CNDP1: variants seen among roughly 807,000 people sequenced by gnomAD.
The protein encoded by CNDP1 is beta-Ala-His dipeptidase.
Under a neutral mutation model 58.1 loss-of-function variants are expected in CNDP1, and 44 were observed. The ratio of observed to expected loss-of-function variants is 0.76; its 90% CI spans 0.60 to 0.97. The LOEUF is 0.97. Ranked by LOEUF, CNDP1 falls within the 50% of genes least tolerant of loss-of-function variation. The probability of loss-of-function intolerance (pLI) is 0.00; values close to 1 mark genes in which losing one functional copy is unlikely to be tolerated. For synonymous variants in CNDP1, 254 were observed against 252.6 expected, an observed-to-expected ratio of 1.01 and a Z score of -0.05; for missense variants, 616 against 655.1, an observed-to-expected ratio of 0.94 and a Z score of 0.65.
intron 6 of CNDP1, among the ~76,000 whole-genome samples, chr18:74,570,234 T>TAAAAAA (rs1226449914): frequency 4.8e-5 from 4 of 83,816 alleles, no homozygotes; most frequent in South Asian, 3.8e-4. Context: ...ATAATAATAA[T>TAAAAAA]AAATAATTAA....
Position 74,586,151 on chromosome 18 carries a change from C to T in CNDP1, c.*1589C>T, listed in dbSNP as rs1472207410. 2.0e-5 allele frequency: 3 copies of T among 151,974 alleles called. No individual in the cohort carries two copies. The highest frequency in any genetic ancestry group is 4.4e-5 in the Non-Finnish European group (3 of 68,050). The allele number at this position is 151,974 out of a possible 1,614,324, so 9.4% of individuals were successfully genotyped here. On this transcript the variant is annotated 3_prime_UTR_variant, in exon 12 of 12. Transcript: ENST00000358821. ...CAGGCAGTGATTCAGTTCACCTTGA[C>T]TCTAGTCATAGAAGTGGACCCAACT...
chr18:74,543,428 G>A (rs555183608), intron 1 of CNDP1, among the ~76,000 whole-genome samples: 2 of 152,222 alleles, frequency 1.3e-5, no homozygotes, highest in Admixed American at 6.5e-5. Flanking sequence ...AGGAGGTTGA[G>A]GCAGCAGTGA....
At chr18:74,575,518 G>T (rs1449234325) in intron 7 of CNDP1, among the ~76,000 whole-genome samples, 1 of 152,184 alleles carries the variant, frequency 6.6e-6, no homozygotes, top group Admixed American at 6.5e-5. Flanking sequence ...TTTCTACAGA[G>T]AGTGGGCGGT....
intron 7 of CNDP1, 139 bp from the exon 8 acceptor site, chr18:74,576,730 C>A: frequency 1.6e-6 from 1 of 626,796 alleles, no homozygotes; most frequent in Non-Finnish European, 2.6e-6. Flanking sequence ...GAGTTGCTGC[C>A]AATGGCTTTG....
At chr18:74,584,278 T>G in intron 11 of CNDP1, 1 of 528,326 alleles carries the variant, frequency 1.9e-6, no homozygotes, top group Non-Finnish European at 3.4e-6. Flanking sequence ...CACTTTTGGA[T>G]TTGAGTCTAG....
chr18:74,571,482 C>T (rs931019905), intron 7 of CNDP1, among the ~76,000 whole-genome samples: 1 of 152,140 alleles, frequency 6.6e-6, no homozygotes, highest in Non-Finnish European at 1.5e-5. Context: ...TTCAGTTCAT[C>T]CATTTTGTTT....
intron 7 of CNDP1, among the ~76,000 whole-genome samples, chr18:74,573,101 C>T (rs898457447): frequency 6.6e-6 from 1 of 152,058 alleles, no homozygotes; most frequent in Non-Finnish European, 1.5e-5. Flanking sequence ...ATTATCTATC[C>T]ATCTATCTTT....
At chr18:74,570,688 G>C (rs1457479322) in intron 6 of CNDP1, among the ~76,000 whole-genome samples, 2 of 152,210 alleles carry the variant, frequency 1.3e-5, no homozygotes, top group Non-Finnish European at 2.9e-5. Flanking sequence ...TGAAGCTCAG[G>C]TAGAGGAAGG....
intron 5 of CNDP1, among the ~76,000 whole-genome samples, chr18:74,562,593 G>A (rs1479115070): frequency 1.3e-5 from 2 of 152,190 alleles, no homozygotes; most frequent in East Asian, 3.8e-4. Context: ...CTTTGCAAAT[G>A]ATCAAGATAG....
chr18:74,554,516 T>A (rs946315505), intron 1 of CNDP1, among the ~76,000 whole-genome samples: 3 of 152,218 alleles, frequency 2.0e-5, no homozygotes, highest in African/African-American at 7.2e-5. Context: ...AGATGCACTG[T>A]GCAATGTGTT....
intron 1 of CNDP1, among the ~76,000 whole-genome samples, chr18:74,554,933 T>C (rs371934268): frequency 6.6e-6 from 1 of 152,062 alleles, no homozygotes. Context: ...AGATGCTCCA[T>C]TGTAAAATAA....
chr18:74,558,365 A>C (rs112935010), intron 2 of CNDP1, among the ~76,000 whole-genome samples: 2 of 142,810 alleles, frequency 1.4e-5, no homozygotes. Context: ...CCATCACCCT[A>C]TAGTTAGGGA....
At chr18:74,560,158 G>A (rs984055668) in intron 3 of CNDP1, among the ~76,000 whole-genome samples, 1 of 151,996 alleles carries the variant, frequency 6.6e-6, no homozygotes, top group Admixed American at 6.6e-5. Flanking sequence ...TGGGATTTCA[G>A]GCGTGCACCA....
At chr18:74,538,486 C>T (rs1242977761) in intron 1 of CNDP1, among the ~76,000 whole-genome samples, 1 of 152,158 alleles carries the variant, frequency 6.6e-6, no homozygotes, top group Non-Finnish European at 1.5e-5. Context: ...ATGAATAATG[C>T]TGCTATAAAC....
intron 7 of CNDP1, among the ~76,000 whole-genome samples, chr18:74,575,645 T>C (rs1319277698): frequency 6.6e-6 from 1 of 152,218 alleles, no homozygotes; most frequent in Non-Finnish European, 1.5e-5. Flanking sequence ...GGGGATTTTG[T>C]GGTCATGATG....
chr18:74,544,416 T>C (rs1980704412), intron 1 of CNDP1, among the ~76,000 whole-genome samples: 1 of 151,936 alleles, frequency 6.6e-6, no homozygotes, highest in Non-Finnish European at 1.5e-5. Flanking sequence ...AATAATAGAA[T>C]GTTATATAGT....
At chr18:74,557,721 C>T (rs557616732) in intron 2 of CNDP1, among the ~76,000 whole-genome samples, 89 of 152,346 alleles carry the variant, frequency 5.8e-4, no homozygotes, top group African/African-American at 1.9e-3. Context: ...AAGCCCCCCA[C>T]ATCATGTCTG....
rs1241746980 is a variant in CNDP1, at chr18:74,567,008, C to A, written c.556-225C>A. On this transcript the variant is annotated intron_variant, in intron 5 of 11. Transcript: ENST00000358821. ...TAGGTGGTGGCAGCAAGAGAAAATG[C>A]GGAAGAAGCAAACCCCTGATAAACC... 3.9e-5 allele frequency: 21 copies of A among 535,476 alleles called. No individual in the cohort carries two copies. In the East Asian group the frequency reaches 6.2e-4, roughly 16 times the overall value. The allele number at this position is 535,476 out of a possible 1,614,324, so 33.2% of individuals were successfully genotyped here.
Position 74,551,733 on chromosome 18 carries a change from C to T in CNDP1, c.25-4605C>T, listed in dbSNP as rs560883734. On this transcript the variant is annotated intron_variant, in intron 1 of 11. Transcript: ENST00000358821. ...ATTCCTGCTGAATCTGAACTATTCTCTCCTAACAACAATCATTGTTTTCAT... is the reference window on the plus strand; with the variant it reads ...ATTCCTGCTGAATCTGAACTATTCTTTCCTAACAACAATCATTGTTTTCAT... Among the ~76,000 whole-genome samples, 99 of 152,268 alleles carry T rather than the reference C, an allele frequency of 6.5e-4. 1 individual carries two copies. Among genetic ancestry groups the T allele is most frequent in the African/African-American group, 2.4e-3 (98 of 41,552 alleles).
Sources: gnomAD v4.1 joint callset for allele counts (sites outside exome capture counted in the v4.1 genomes callset) on GRCh38, gnomAD v4.1.1 for gene constraint, MANE v1.5 for transcripts, NCBI Gene and HGNC (gene_info 2026-07-23, HGNC 2026-07-21) for gene names.